TBC1D19: variants seen among roughly 807,000 people sequenced by gnomAD.
TBC1D19 encodes the protein TBC1 domain family member 19, also known as TBC1 domain family, member 19.
Under a neutral mutation model 89.0 loss-of-function variants are expected in TBC1D19, and 60 were observed. The ratio of observed to expected loss-of-function variants is 0.67; its 90% CI spans 0.55 to 0.84. The LOEUF is 0.84. TBC1D19 is among the 40% of genes least tolerant of loss of function. The probability of loss-of-function intolerance (pLI) is 0.00; values close to 1 mark genes in which losing one functional copy is unlikely to be tolerated. For missense variants in TBC1D19, 500 were observed against 610.8 expected, an observed-to-expected ratio of 0.82 and a Z score of 1.91; for synonymous variants, 189 against 199.7, an observed-to-expected ratio of 0.95 and a Z score of 0.45.
intron 18 of TBC1D19, among the ~76,000 whole-genome samples, chr4:26,745,987 G>A (rs1213431389): frequency 2.6e-5 from 4 of 151,974 alleles, no homozygotes; most frequent in African/African-American, 9.7e-5. Context: ...GATATATCTA[G>A]GCATAGATTT....
chr4:26,588,971 T>C (rs974468453), intron 1 of TBC1D19, among the ~76,000 whole-genome samples: 1 of 152,164 alleles, frequency 6.6e-6, no homozygotes, highest in Non-Finnish European at 1.5e-5. Flanking sequence ...TGGGTTTTGT[T>C]ATTGTTGTCA....
At chr4:26,576,705 A>G (rs934766194) in exon 1 of TBC1D19, 6 of 456,060 alleles carry the variant, frequency 1.3e-5, no homozygotes, top group African/African-American at 1.2e-4. Flanking sequence ...CGGACAGAAG[A>G]ACAACACAGC....
intron 3 of TBC1D19, among the ~76,000 whole-genome samples, chr4:26,618,768 A>C (rs1741850242): frequency 6.6e-6 from 1 of 152,232 alleles, no homozygotes; most frequent in Non-Finnish European, 1.5e-5. Flanking sequence ...GGTTGAAAAC[A>C]GTCTGGAAGC....
chr4:26,750,173 T>C (rs1200072252), intron 19 of TBC1D19, among the ~76,000 whole-genome samples: 1 of 152,138 alleles, frequency 6.6e-6, no homozygotes, highest in Non-Finnish European at 1.5e-5. Flanking sequence ...TACTCTCACA[T>C]TTTCGCCTCT....
chr4:26,608,181 A>G (rs542380654), intron 1 of TBC1D19, among the ~76,000 whole-genome samples: 259 of 152,310 alleles, frequency 1.7e-3, no homozygotes, highest in African/African-American at 6.1e-3. Flanking sequence ...AATTTCCTAC[A>G]TCATTTTAAT....
the TBC1D19 span, among the ~76,000 whole-genome samples, chr4:26,847,555 G>A: frequency 5.3e-5 from 8 of 152,292 alleles, no homozygotes; most frequent in South Asian, 6.2e-4. Context: ...CAGACTGAAC[G>A]GGAAGGAGAG....
the TBC1D19 span, among the ~76,000 whole-genome samples, chr4:26,856,347 T>C: frequency 6.6e-6 from 1 of 152,240 alleles, no homozygotes; most frequent in Admixed American, 6.5e-5. Flanking sequence ...TGTGTGTATA[T>C]ATACCCTATT....
At chr4:26,653,684 T>G (rs1744572082) in intron 7 of TBC1D19, among the ~76,000 whole-genome samples, 1 of 152,190 alleles carries the variant, frequency 6.6e-6, no homozygotes, top group Non-Finnish European at 1.5e-5. Flanking sequence ...TATCAGAGAC[T>G]AGGATTGCAA....
the TBC1D19 span, among the ~76,000 whole-genome samples, chr4:26,791,192 C>A: frequency 2.0e-5 from 3 of 152,124 alleles, no homozygotes; most frequent in African/African-American, 7.2e-5. Flanking sequence ...TGGCTGCTTC[C>A]CACAGAGAAT....
chr4:26,762,245 A>G, the TBC1D19 span, among the ~76,000 whole-genome samples: 1 of 152,232 alleles, frequency 6.6e-6, no homozygotes, highest in South Asian at 2.1e-4. Flanking sequence ...GTTGCTGATC[A>G]TTCACATGGC....
At chr4:26,855,445 A>G in the TBC1D19 span, among the ~76,000 whole-genome samples, 4 of 152,210 alleles carry the variant, frequency 2.6e-5, no homozygotes, top group Non-Finnish European at 2.9e-5. Context: ...TTTTTACTTT[A>G]CAACAACCCT....
At chr4:26,581,537 A>G (rs892914982), upstream of TBC1D19, among the ~76,000 whole-genome samples, 5 of 152,218 alleles carry the variant, frequency 3.3e-5, no homozygotes, top group African/African-American at 1.2e-4. Context: ...CATGGCCTGC[A>G]AAGGCCATGA....
chr4:26,583,900 A>G, upstream of TBC1D19: 1 of 393,530 alleles, frequency 2.5e-6, no homozygotes, highest in Non-Finnish European at 4.7e-6. Context: ...GCTCTGAAAG[A>G]ATGAGCTTTC....
At chr4:26,848,430 T>G in the TBC1D19 span, among the ~76,000 whole-genome samples, 1 of 152,224 alleles carries the variant, frequency 6.6e-6, no homozygotes, top group African/African-American at 2.4e-5. Context: ...TTACTGCACT[T>G]TTGCTCCTGC....
the TBC1D19 span, among the ~76,000 whole-genome samples, chr4:26,818,453 A>C: frequency 1.3e-5 from 2 of 152,054 alleles, no homozygotes; most frequent in Non-Finnish European, 2.9e-5. Context: ...GGAAGGTCTC[A>C]CCATGTTGCC....
At chr4:26,667,304 C>T (rs1201813781) in intron 9 of TBC1D19, among the ~76,000 whole-genome samples, 8 of 151,924 alleles carry the variant, frequency 5.3e-5, no homozygotes, top group Admixed American at 5.3e-4. Flanking sequence ...AAATTGAATA[C>T]ACCTATTAAA....
chr4:26,826,471 T>C, the TBC1D19 span, among the ~76,000 whole-genome samples: 1 of 152,224 alleles, frequency 6.6e-6, no homozygotes, highest in Non-Finnish European at 1.5e-5. Context: ...GAAAAATAAG[T>C]GTCATTATTA....
chr4:26,787,093 A>G, the TBC1D19 span, among the ~76,000 whole-genome samples: 1 of 148,726 alleles, frequency 6.7e-6, no homozygotes, highest in Non-Finnish European at 1.5e-5. Context: ...CATAATAAAG[A>G]GGAACTAGTT....
upstream of TBC1D19, among the ~76,000 whole-genome samples, chr4:26,579,122 C>G (rs1380712730): frequency 6.6e-6 from 1 of 152,204 alleles, no homozygotes; most frequent in Non-Finnish European, 1.5e-5. Context: ...CTAAACCACA[C>G]ACAACCAACT....
Sources: allele counts gnomAD v4.1 joint callset (sites outside exome capture counted in the v4.1 genomes callset), GRCh38; gene constraint gnomAD v4.1.1; transcripts MANE v1.5; gene names NCBI Gene and HGNC (gene_info 2026-07-23, HGNC 2026-07-21).